The following GRIK1 variants were observed in gnomAD, a reference collection of about 807,000 sequenced individuals.
GRIK1 encodes the protein glutamate ionotropic receptor kainate type subunit 1, also known as glutamate receptor ionotropic, kainate 1.
GRIK1 carries 69 observed loss-of-function variants against 105.7 expected under a neutral mutation model. The ratio of observed to expected loss-of-function variants is 0.65; its 90% confidence interval spans 0.54 to 0.80. The LOEUF is 0.80. Among genes scored for constraint, GRIK1 ranks in the 30% least tolerant of loss-of-function variants. The pLI, the probability that GRIK1 is intolerant of heterozygous loss-of-function variation, is 0.00. For synonymous variants in GRIK1, 438 were observed against 431.3 expected (o/e 1.02, Z -0.19); for missense variants, 1,109 against 1,167.3 (o/e 0.95, Z 0.73).
intron 1 of GRIK1, among the ~76,000 whole-genome samples, chr21:29,720,373 T>C (rs563673497): frequency 7.0e-4 from 107 of 152,340 alleles, no homozygotes; most frequent in African/African-American, 2.5e-3. Context: ...AAAATCTTGC[T>C]ACCTCTAAGT....
At chr21:29,846,881 A>G (rs147391771) in intron 1 of GRIK1, among the ~76,000 whole-genome samples, 4 of 152,106 alleles carry the variant, frequency 2.6e-5, no homozygotes, top group South Asian at 2.1e-4. Context: ...TTTCATATGT[A>G]TATGTATGTA....
At chr21:29,908,127 G>A (rs558944228) in intron 1 of GRIK1, among the ~76,000 whole-genome samples, 1 of 151,844 alleles carries the variant, frequency 6.6e-6, no homozygotes, top group South Asian at 2.1e-4. Context: ...CATTATAAAA[G>A]CTTTAACATT....
At chr21:29,731,058 G>C (rs1226457794) in intron 1 of GRIK1, among the ~76,000 whole-genome samples, 1 of 152,092 alleles carries the variant, frequency 6.6e-6, no homozygotes. Flanking sequence ...TTTAAGATTA[G>C]GAAACAAAAA....
At chr21:29,920,316 A>C (rs2071150293) in intron 1 of GRIK1, among the ~76,000 whole-genome samples, 1 of 152,100 alleles carries the variant, frequency 6.6e-6, no homozygotes. Context: ...ACAGTCTAAC[A>C]AAAGGTATTA....
chr21:29,853,153 T>A (rs1389388417), intron 1 of GRIK1, among the ~76,000 whole-genome samples: 1 of 152,250 alleles, frequency 6.6e-6, no homozygotes, highest in Non-Finnish European at 1.5e-5. Context: ...TCTTTAACAC[T>A]CTCACAATTC....
At chr21:29,842,064 T>C (rs1406506202) in intron 1 of GRIK1, among the ~76,000 whole-genome samples, 1 of 152,202 alleles carries the variant, frequency 6.6e-6, no homozygotes, top group Admixed American at 6.5e-5. Flanking sequence ...TTCTATGTGC[T>C]TTGCCTCAGC....
intron 15 of GRIK1, 33 bp downstream of exon 15, chr21:29,561,591 A>G (rs758536184): frequency 1.5e-6 from 2 of 1,367,408 alleles, no homozygotes; most frequent in Non-Finnish European, 2.1e-6. Flanking sequence ...GACATTCTGT[A>G]TCTCAGTCTT....
intron 1 of GRIK1, among the ~76,000 whole-genome samples, chr21:29,795,949 T>C (rs2066543326): frequency 6.6e-6 from 1 of 152,184 alleles, no homozygotes; most frequent in South Asian, 2.1e-4. Context: ...TCATACTTCT[T>C]CAATTCATTT....
At chr21:29,568,793 C>T (rs911766630) in intron 14 of GRIK1, among the ~76,000 whole-genome samples, 1 of 152,314 alleles carries the variant, frequency 6.6e-6, no homozygotes, top group Middle Eastern at 3.4e-3. Flanking sequence ...CTCTGTATTG[C>T]TATTCAGATC....
chr21:29,705,795 C>T (rs2063893018), intron 1 of GRIK1, among the ~76,000 whole-genome samples: 1 of 151,960 alleles, frequency 6.6e-6, no homozygotes, highest in Non-Finnish European at 1.5e-5. Context: ...AGATATGTTG[C>T]AGGTAAGGTG....
intron 3 of GRIK1, among the ~76,000 whole-genome samples, chr21:29,674,541 A>ATT (rs2063229751): frequency 6.6e-6 from 1 of 150,628 alleles, no homozygotes; most frequent in Non-Finnish European, 1.5e-5. Context: ...GTCGGGGGGG[A>ATT]ACTTGGTGGG....
chr21:29,556,888 G>T (rs2090270705), intron 15 of GRIK1, among the ~76,000 whole-genome samples: 1 of 152,190 alleles, frequency 6.6e-6, no homozygotes, highest in Non-Finnish European at 1.5e-5. Context: ...ATTTGCAGAT[G>T]TTGGTTAGTA....
intron 1 of GRIK1, among the ~76,000 whole-genome samples, chr21:29,727,299 C>T (rs886589413): frequency 6.6e-6 from 1 of 152,150 alleles, no homozygotes; most frequent in Non-Finnish European, 1.5e-5. Flanking sequence ...TATTCAATTA[C>T]AATGAGAAAT....
At chr21:29,932,407 T>A (rs1212283009) in intron 1 of GRIK1, among the ~76,000 whole-genome samples, 2 of 152,078 alleles carry the variant, frequency 1.3e-5, no homozygotes, top group Non-Finnish European at 2.9e-5. Context: ...AAGTTTTTAA[T>A]AAGAAAAAAG....
At position 29,761,624 on chromosome 21, in the gene GRIK1, AG is replaced by A. The variant is rs1387887839; in HGVS notation, c.119-67562del. ...ATTCACTGTGTGTGAAATTCAATTAAGTCTTTTAAATCAGATTCTATTTATG... is the reference window on the plus strand; with the variant it reads ...ATTCACTGTGTGTGAAATTCAATTAATCTTTTAAATCAGATTCTATTTATG... On this transcript the variant is annotated intron_variant, in intron 1 of 17. Transcript: ENST00000327783. 6.6e-5 allele frequency among the ~76,000 whole-genome samples: 10 copies of A among 152,340 alleles called. No individual in the cohort carries two copies. The South Asian group carries it at 2.1e-3, about 32-fold the overall frequency.
chr21:29,690,110 C>A, intron 2 of GRIK1, 125 bp from the exon 3 acceptor site: 1 of 751,050 alleles, frequency 1.3e-6, no homozygotes, highest in Non-Finnish European at 2.2e-6. Context: ...ATTGAAAAAT[C>A]TTTTACAATC....
At chr21:29,596,128 T>C in intron 9 of GRIK1, 4 of 344,170 alleles carry the variant, frequency 1.2e-5, no homozygotes, top group South Asian at 9.6e-5. Context: ...CCTATCTGAC[T>C]AGTCTCATGG....
intron 15 of GRIK1, among the ~76,000 whole-genome samples, chr21:29,560,605 CTTCT>C (rs1468085530): frequency 1.7e-5 from 2 of 115,524 alleles, no homozygotes; most frequent in African/African-American, 3.3e-5. Context: ...TCCTTCCTTC[CTTCT>C]TTCTTTTTTT....
intron 1 of GRIK1, among the ~76,000 whole-genome samples, chr21:29,919,885 C>T (rs1471254294): frequency 6.6e-6 from 1 of 152,024 alleles, no homozygotes; most frequent in Non-Finnish European, 1.5e-5. Flanking sequence ...CCTCTTTGTT[C>T]CTCCATTTCT....
Sources: allele counts gnomAD v4.1 joint callset (sites outside exome capture counted in the v4.1 genomes callset), GRCh38; gene constraint gnomAD v4.1.1; transcripts MANE v1.5; gene names NCBI Gene and HGNC (gene_info 2026-07-23, HGNC 2026-07-21).